Variants in GABRG3 observed in about 807,000 individuals in gnomAD.
GABRG3 encodes the protein gamma-aminobutyric acid receptor subunit gamma-3.
GABRG3 carries 25 observed loss-of-function variants against 48.8 expected under a neutral mutation model. The observed-to-expected ratio is 0.51, with a 90% CI of 0.37 to 0.72. GABRG3 has a LOEUF of 0.72. Ranked by LOEUF, GABRG3 falls within the 30% of genes least tolerant of loss-of-function variation. The probability of loss-of-function intolerance (pLI) is 0.00; values close to 1 mark genes in which losing one functional copy is unlikely to be tolerated. For missense variants in GABRG3, 394 were observed against 577.9 expected, an observed-to-expected ratio of 0.68 and a Z score of 3.26; for synonymous variants, 227 against 217.6, an observed-to-expected ratio of 1.04 and a Z score of -0.38.
chr15:26,983,227 G>C (rs1282751255), intron 2 of GABRG3, among the ~76,000 whole-genome samples: 2 of 151,372 alleles, frequency 1.3e-5, no homozygotes, highest in Admixed American at 6.6e-5. Context: ...TCAAGGTGCA[G>C]TGAACTTATA....
chr15:27,397,690 G>A (rs1453544040), intron 5 of GABRG3, among the ~76,000 whole-genome samples: 1 of 151,838 alleles, frequency 6.6e-6, no homozygotes, highest in Non-Finnish European at 1.5e-5. Flanking sequence ...ATAGTAATTG[G>A]CATGTAGCTA....
Position 27,253,032 on chromosome 15 carries a change from C to T in GABRG3, c.271-73777C>T, listed in dbSNP as rs1244552372. Among the ~76,000 whole-genome samples, 3 of 152,178 alleles carry T rather than the reference C, an allele frequency of 2.0e-5. No individual in the cohort carries two copies. The East Asian group carries it at 5.8e-4, about 29-fold the overall frequency. On this transcript the variant is annotated intron_variant, in intron 3 of 9. Transcript: ENST00000615808. The stretch of plus-strand genomic sequence containing the variant: ...GTTTTGAGGTCACTGCTCCGGGCTG[C>T]GCCTTGCACGTTTAGACACCACGCC...
chr15:27,305,413 C>T (rs955702577), intron 3 of GABRG3, among the ~76,000 whole-genome samples: 2 of 149,682 alleles, frequency 1.3e-5, no homozygotes, highest in East Asian at 2.0e-4. Flanking sequence ...ATAGAAGACC[C>T]AACGTGGTAA....
At chr15:26,982,844 G>A (rs568081820) in intron 2 of GABRG3, among the ~76,000 whole-genome samples, 3 of 152,306 alleles carry the variant, frequency 2.0e-5, no homozygotes, top group African/African-American at 7.2e-5. Flanking sequence ...CTTTGGTTTT[G>A]TGACTTTAAC....
At chr15:27,063,318 G>A (rs1896683078) in intron 3 of GABRG3, among the ~76,000 whole-genome samples, 1 of 152,224 alleles carries the variant, frequency 6.6e-6, no homozygotes, top group Non-Finnish European at 1.5e-5. Flanking sequence ...TGGAGTGCCT[G>A]ATGTAGTTTG....
intron 3 of GABRG3, among the ~76,000 whole-genome samples, chr15:27,116,533 A>T (rs572634722): frequency 6.6e-6 from 1 of 152,222 alleles, no homozygotes; most frequent in East Asian, 1.9e-4. Context: ...TACCACTTCT[A>T]CTATGACAAC....
chr15:27,398,517 A>T (rs577756922), intron 5 of GABRG3, among the ~76,000 whole-genome samples: 1 of 152,188 alleles, frequency 6.6e-6, no homozygotes, highest in African/African-American at 2.4e-5. Flanking sequence ...ATATATACCT[A>T]TCTTGTTTTT....
At chr15:27,106,768 G>A (rs184816809) in intron 3 of GABRG3, among the ~76,000 whole-genome samples, 10 of 152,054 alleles carry the variant, frequency 6.6e-5, no homozygotes, top group South Asian at 2.1e-4. Context: ...CTATTGAAAA[G>A]ATAAAAAAGG....
Position 27,361,859 on chromosome 15 carries a change from T to G in GABRG3, c.574+32971T>G, listed in dbSNP as rs138369642. Among the ~76,000 whole-genome samples, 956 of 152,374 alleles carry G rather than the reference T, an allele frequency of 6.3e-3. 9 individuals are homozygous for G. The highest frequency in any genetic ancestry group is 8.8e-3 in the Non-Finnish European group (596 of 68,044). ...TCCCATTAGGTCTGTAATTCCAACA[T>G]TTCTGAAATTATTGTAATCTGTGTC... On this transcript the variant is annotated intron_variant, in intron 5 of 9. Coordinates refer to ENST00000615808, the MANE Select transcript of GABRG3 (RefSeq NM_033223.5).
chr15:27,097,622 G>T (rs1231622908), intron 3 of GABRG3, among the ~76,000 whole-genome samples: 1 of 151,786 alleles, frequency 6.6e-6, no homozygotes, highest in Non-Finnish European at 1.5e-5. Context: ...TCACCCTGCC[G>T]CAGAGACACT....
chr15:27,361,739 A>G (rs961062308), intron 5 of GABRG3, among the ~76,000 whole-genome samples: 1 of 152,206 alleles, frequency 6.6e-6, no homozygotes, highest in African/African-American at 2.4e-5. Context: ...TCTTATAGAA[A>G]TGTCACTTGC....
chr15:26,994,805 G>A (rs1229494296), intron 2 of GABRG3, among the ~76,000 whole-genome samples: 2 of 151,934 alleles, frequency 1.3e-5, no homozygotes, highest in Non-Finnish European at 2.9e-5. Flanking sequence ...CTACATTGTG[G>A]TTGGAGAATA....
chr15:27,002,820 C>T (rs1402608178), intron 2 of GABRG3, among the ~76,000 whole-genome samples: 1 of 150,282 alleles, frequency 6.7e-6, no homozygotes, highest in African/African-American at 2.4e-5. Context: ...AGAGAAATAG[C>T]TAGATCTGGT....
intron 5 of GABRG3, among the ~76,000 whole-genome samples, chr15:27,416,680 G>A (rs1887950058): frequency 6.6e-6 from 1 of 152,090 alleles, no homozygotes; most frequent in African/African-American, 2.4e-5. Context: ...ATCAATGATG[G>A]TTCAGTTTTC....
At chr15:27,052,814 A>G (rs1309678656) in intron 3 of GABRG3, among the ~76,000 whole-genome samples, 1 of 152,240 alleles carries the variant, frequency 6.6e-6, no homozygotes, top group Non-Finnish European at 1.5e-5. Flanking sequence ...ACAAAAACAG[A>G]CATACGGACA....
chr15:27,175,335 C>G (rs1048998437), intron 3 of GABRG3, among the ~76,000 whole-genome samples: 4 of 152,136 alleles, frequency 2.6e-5, no homozygotes, highest in Non-Finnish European at 4.4e-5. Flanking sequence ...TCATCCACAG[C>G]CCTGACACCT....
At chr15:27,079,094 T>C (rs1896953445) in intron 3 of GABRG3, among the ~76,000 whole-genome samples, 1 of 152,050 alleles carries the variant, frequency 6.6e-6, no homozygotes, top group Non-Finnish European at 1.5e-5. Flanking sequence ...TAGAACCGTT[T>C]CCCCCAGACC....
In GABRG3 at chr15:27,447,017, A is replaced by G. The variant is rs1888965245; in HGVS notation, c.575-33633A>G. ...CCTCCCATGCACCAGGGGCAGTACT[A>G]TGCATTGAGGGTCTAGGGATGAACC... On this transcript the variant is annotated intron_variant, in intron 5 of 9. Coordinates refer to ENST00000615808, the MANE Select transcript of GABRG3 (RefSeq NM_033223.5). The surrounding 1 kb of genome is among the most constrained non-coding windows in gnomAD (Gnocchi z 4.0). Among the ~76,000 whole-genome samples the G allele has an allele frequency of 6.6e-6, 1 of 152,198 alleles. No individual in the cohort carries two copies. The highest frequency in any genetic ancestry group is 2.4e-5 in the African/African-American group (1 of 41,448).
intron 3 of GABRG3, among the ~76,000 whole-genome samples, chr15:27,065,493 C>T (rs903167174): frequency 6.6e-6 from 1 of 152,136 alleles, no homozygotes; most frequent in Non-Finnish European, 1.5e-5. Context: ...CCTTGGTCCC[C>T]GGAGAAGCTG....
Sources: gnomAD v4.1 joint callset for allele counts (sites outside exome capture counted in the v4.1 genomes callset) on GRCh38, gnomAD v4.1.1 for gene constraint, Gnocchi (gnomAD v3.1) non-coding constraint, MANE v1.5 for transcripts, NCBI Gene and HGNC (gene_info 2026-07-23, HGNC 2026-07-21) for gene names.